The following WRN variants were observed in gnomAD, a reference collection of about 807,000 sequenced individuals.
WRN encodes WRN RecQ like helicase, also known as bifunctional 3'-5' exonuclease/ATP-dependent helicase WRN.
A neutral mutation model predicts 180.7 loss-of-function variants in WRN; 149 were observed. The observed-to-expected ratio is 0.82, with a 90% CI of 0.72 to 0.94. The LOEUF is 0.94. Among genes scored for constraint, WRN ranks in the 40% least tolerant of loss-of-function variants. The pLI is 0.00. For synonymous variants in WRN, 548 were observed against 568.9 expected (o/e 0.96, Z 0.52); for missense variants, 1,661 against 1,700.1 (o/e 0.98, Z 0.40).
chr8:31,055,934 T>C (rs1174457013), intron 1 of WRN, among the ~76,000 whole-genome samples: 2 of 152,370 alleles, frequency 1.3e-5, no homozygotes, highest in South Asian at 2.1e-4. Context: ...ACAACATTAA[T>C]GTTCTGTGTG....
At position 31,064,432 on chromosome 8, in the gene WRN, C is replaced by G. The variant is rs1345736141; in HGVS notation, c.353C>G (p.Ser118Ter). Residue 118 changes from serine (S) to a stop codon, truncating the protein, a stop_gained and splice_region_variant, in exon 4 of 35, where the codon TCA (serine) becomes TGA (stop). Transcript: ENST00000298139. LOFTEE classifies it high-confidence loss of function. ...KCYLFHVSSM[S>*]VFPQGLKMLL... ...TACTTGTTCCACGTTTCTTCCATGT[C>G]AGGTTGGTATCTCTACATTTCATTT... is the stretch of plus-strand genomic sequence containing the variant. The G allele has an allele frequency of 6.2e-7, 1 of 1,614,046 alleles. No individual in the cohort carries two copies. Among genetic ancestry groups the G allele is most frequent in the South Asian group, 1.1e-5 (1 of 91,070 alleles).
At chr8:31,041,186 C>T (rs776148286) in intron 1 of WRN, among the ~76,000 whole-genome samples, 1 of 152,100 alleles carries the variant, frequency 6.6e-6, no homozygotes, top group East Asian at 1.9e-4. Context: ...GACATACCCA[C>T]GGGAGCTAAT....
At chr8:31,137,606 C>G (rs1802448094) in intron 24 of WRN, among the ~76,000 whole-genome samples, 2 of 151,514 alleles carry the variant, frequency 1.3e-5, no homozygotes, top group African/African-American at 2.4e-5. Context: ...GAGCCAGGCT[C>G]TGTCCTGGTT....
chr8:31,136,072 T>G (rs1045290443), intron 24 of WRN, among the ~76,000 whole-genome samples: 1 of 152,182 alleles, frequency 6.6e-6, no homozygotes, highest in African/African-American at 2.4e-5. Context: ...TGATCATAGG[T>G]CACAGCAGCC....
At chr8:31,042,132 G>T (rs905802874) in intron 1 of WRN, among the ~76,000 whole-genome samples, 2 of 152,306 alleles carry the variant, frequency 1.3e-5, no homozygotes, top group Admixed American at 6.5e-5. Context: ...AAAACAGGAG[G>T]TGTTGGTTGG....
chr8:31,098,842 A>G (rs1226949625), intron 17 of WRN, among the ~76,000 whole-genome samples: 1 of 152,206 alleles, frequency 6.6e-6, no homozygotes. Context: ...GTTTAGCTCC[A>G]TTAAAAGCTA....
chr8:31,144,835 A>C (rs1209982734), intron 28 of WRN, among the ~76,000 whole-genome samples: 1 of 152,236 alleles, frequency 6.6e-6, no homozygotes, highest in African/African-American at 2.4e-5. Flanking sequence ...TGAATAAAAC[A>C]ATGATAAGAA....
intron 18 of WRN, among the ~76,000 whole-genome samples, chr8:31,105,473 A>C (rs377708715): frequency 7.0e-6 from 1 of 143,052 alleles, no homozygotes; most frequent in South Asian, 2.2e-4. Flanking sequence ...TATTTTTTTT[A>C]TTTTTGAGAT....
At chr8:31,038,283 T>C (rs1193951984) in intron 1 of WRN, among the ~76,000 whole-genome samples, 2 of 152,176 alleles carry the variant, frequency 1.3e-5, no homozygotes, top group Non-Finnish European at 1.5e-5. Flanking sequence ...TGGTGGGAAG[T>C]GGTATCTTAC....
chr8:31,120,641 A>G (rs1265759640), intron 21 of WRN, among the ~76,000 whole-genome samples: 1 of 151,930 alleles, frequency 6.6e-6, no homozygotes, highest in African/African-American at 2.4e-5. Flanking sequence ...AGCTAATTTC[A>G]GCATGCCTTA....
chr8:31,107,875 CAT>C (rs1048506600), intron 18 of WRN, among the ~76,000 whole-genome samples: 8 of 152,288 alleles, frequency 5.3e-5, no homozygotes, highest in African/African-American at 9.6e-5. Context: ...ATCCATAAGA[CAT>C]GTGGGGTTTT....
rs1190386295 is a variant in WRN, at chr8:31,130,020, C to CA, written c.2826-2341dup. Among the ~76,000 whole-genome samples the CA allele has an allele frequency of 3.7e-4, 49 of 131,810 alleles. 2 individuals are homozygous for CA. Among genetic ancestry groups the CA allele is most frequent in the Middle Eastern group, 4.0e-3 (1 of 248 alleles). The allele number at this position is 131,810 out of a possible 152,430, so 86.5% of individuals were successfully genotyped here. A position where few individuals can be genotyped will look rare whatever the true frequency, so the allele number is the denominator to read the frequency against. ...CTCTTGTCTCAAAAAAAAAACAAAA[C>CA]AAAACAAAAAAAAAAACTAGTAAGA... On this transcript the variant is annotated intron_variant, in intron 23 of 34. Coordinates refer to ENST00000298139, the MANE Select transcript of WRN (RefSeq NM_000553.6).
intron 7 of WRN, 43 bp from the exon 8 acceptor site, chr8:31,076,130 G>C (rs1395804507): frequency 6.8e-7 from 1 of 1,474,906 alleles, no homozygotes; most frequent in South Asian, 1.1e-5. Flanking sequence ...GAATATCTCT[G>C]CTTTGTGGTT....
In WRN at chr8:31,120,563, T is replaced by G. The variant is rs11574314; in HGVS notation, c.2630+139T>G. The G allele has an allele frequency of 0.022, 18,828 of 845,292 alleles. 292 individuals are homozygous for G. Among genetic ancestry groups the G allele is most frequent in the Non-Finnish European group, 0.027 (15,585 of 574,238 alleles). The allele number at this position is 845,292 out of a possible 1,614,324, so 52.4% of individuals were successfully genotyped here. A position where few individuals can be genotyped will look rare whatever the true frequency, so the allele number is the denominator to read the frequency against. The stretch of plus-strand genomic sequence containing the variant: ...AAGTAAAAAAAAAAAAAAAGAAAAA[T>G]AAAACCTCCCCAAATCCAGAGGACA... On this transcript the variant is annotated intron_variant, in intron 21 of 34. Coordinates refer to ENST00000298139, the MANE Select transcript of WRN (RefSeq NM_000553.6).
chr8:31,099,761 C>T (rs1814147006), intron 17 of WRN, among the ~76,000 whole-genome samples: 1 of 151,902 alleles, frequency 6.6e-6, no homozygotes. Flanking sequence ...ATTTATTAAC[C>T]ATAATAGGAG....
intron 24 of WRN, among the ~76,000 whole-genome samples, chr8:31,135,293 A>G (rs1381172196): frequency 6.6e-6 from 1 of 152,026 alleles, no homozygotes; most frequent in African/African-American, 2.4e-5. Flanking sequence ...CAGGGCTCTC[A>G]GGTGATACCC....
chr8:31,065,044 C>CA lies in WRN; in HGVS notation c.486dup (p.Asp163ArgfsTer5). 6.2e-7 allele frequency: 1 copy of CA among 1,613,232 alleles called. No homozygotes were observed. Among genetic ancestry groups the CA allele is most frequent in the Non-Finnish European group, 8.5e-7 (1 of 1,179,618 alleles). On this transcript the variant is annotated frameshift_variant, in exon 5 of 35. Coordinates refer to ENST00000298139, the MANE Select transcript of WRN (RefSeq NM_000553.6). LOFTEE classifies it high-confidence loss of function. ...AAATTGAAGAATTTTGTGGAGTTGA[C>CA]AGATGTTGCCAATAAAAAGGTAAAA... is the stretch of plus-strand genomic sequence containing the variant.
In WRN at chr8:31,096,818, T is replaced by C. The variant is rs1213200439; in HGVS notation, c.1949T>C (p.Met650Thr). The C allele has an allele frequency of 6.2e-7, 1 of 1,613,400 alleles. No homozygotes were observed. Among genetic ancestry groups the C allele is most frequent in the South Asian group, 1.1e-5 (1 of 91,062 alleles). Reference protein sequence around the residue: ...YVTPEYCSGNMGLLQQLEADI... With the variant: ...YVTPEYCSGNTGLLQQLEADI... ...ACTCCAGAATACTGTTCAGGTAACA[T>C]GGGCCTGCTCCAGCAACTTGAGGCT... The change falls in exon 17 of 35, where the codon ATG (methionine) becomes ACG (threonine). Residue 650 changes from methionine to threonine, a missense_variant. Coordinates refer to ENST00000298139, the MANE Select transcript of WRN (RefSeq NM_000553.6).
At chr8:31,154,821 TTTAGTA>T in intron 32 of WRN, 66 bp downstream of exon 32, 1 of 1,594,748 alleles carries the variant, frequency 6.3e-7, no homozygotes, top group Non-Finnish European at 8.6e-7. Context: ...TTATCAGCTT[TTTAGTA>T]TTAAAGTTCT....
Sources: allele counts gnomAD v4.1 joint callset (sites outside exome capture counted in the v4.1 genomes callset), GRCh38; gene constraint gnomAD v4.1.1; transcripts MANE v1.5; gene names NCBI Gene and HGNC (gene_info 2026-07-23, HGNC 2026-07-21).